The following NKAIN2 variants were observed in gnomAD, a reference collection of about 807,000 sequenced individuals.
NKAIN2 encodes the protein sodium/potassium transporting ATPase interacting 2.
A neutral mutation model predicts 32.6 loss-of-function variants in NKAIN2; 14 were observed. The observed-to-expected ratio is 0.43, with a 90% CI of 0.28 to 0.67. The LOEUF (loss-of-function observed/expected upper bound fraction) is 0.67, where lower values mean the gene tolerates loss of function less well. Ranked by LOEUF, NKAIN2 falls within the 30% of genes least tolerant of loss-of-function variation. NKAIN2 has a pLI of 0.17. For missense variants in NKAIN2, 198 were observed against 258.3 expected (o/e 0.77, Z 1.60); for synonymous variants, 80 against 87.2 (o/e 0.92, Z 0.46).
At chr6:124,583,268 G>A (rs1583473710) in intron 3 of NKAIN2, among the ~76,000 whole-genome samples, 1 of 147,522 alleles carries the variant, frequency 6.8e-6, no homozygotes, top group Non-Finnish European at 1.5e-5. Context: ...AACACATTCA[G>A]TAATGTGGCA....
At chr6:124,099,805 A>G (rs976190399) in intron 1 of NKAIN2, among the ~76,000 whole-genome samples, 9 of 152,200 alleles carry the variant, frequency 5.9e-5, no homozygotes, top group African/African-American at 2.2e-4. Context: ...GACCACAGCA[A>G]CAAAGAATTA....
chr6:124,486,618 T>TATCTGATG (rs1408178942), intron 3 of NKAIN2, among the ~76,000 whole-genome samples: 1 of 152,192 alleles, frequency 6.6e-6, no homozygotes, highest in African/African-American at 2.4e-5. Context: ...AGTCTAGAAA[T>TATCTGATG]ATCTGATGTT....
intron 3 of NKAIN2, among the ~76,000 whole-genome samples, chr6:124,494,605 G>A (rs1322688266): frequency 6.6e-6 from 1 of 152,054 alleles, no homozygotes; most frequent in Non-Finnish European, 1.5e-5. Context: ...ACAGATAAAT[G>A]ATAACAAAGT....
At chr6:124,695,363 A>T (rs1189485034) in intron 4 of NKAIN2, among the ~76,000 whole-genome samples, 1 of 152,180 alleles carries the variant, frequency 6.6e-6, no homozygotes, top group Non-Finnish European at 1.5e-5. Context: ...AAACTCATTT[A>T]AGGGTTTCTT....
chr6:124,631,114 T>C (rs1214857283), intron 3 of NKAIN2, among the ~76,000 whole-genome samples: 7 of 152,182 alleles, frequency 4.6e-5, no homozygotes, highest in African/African-American at 1.7e-4. Context: ...CAATCACTGA[T>C]CGGTGAAAAA....
intron 1 of NKAIN2, among the ~76,000 whole-genome samples, chr6:123,809,632 A>G (rs1773370258): frequency 6.6e-6 from 1 of 152,148 alleles, no homozygotes; most frequent in Admixed American, 6.5e-5. Flanking sequence ...TCTTTTGTTA[A>G]AAAATACTTC....
chr6:124,377,934 T>C (rs770746303), intron 3 of NKAIN2, among the ~76,000 whole-genome samples: 1 of 152,130 alleles, frequency 6.6e-6, no homozygotes, highest in Non-Finnish European at 1.5e-5. Flanking sequence ...TGGTCTCCAT[T>C]ACCCTCCAGA....
intron 1 of NKAIN2, among the ~76,000 whole-genome samples, chr6:124,128,161 A>C (rs191217903): frequency 2.6e-5 from 4 of 152,214 alleles, no homozygotes; most frequent in Non-Finnish European, 5.9e-5. Flanking sequence ...GGCAGTTGGG[A>C]GACCTGACAG....
At chr6:124,423,398 T>C (rs1259235992) in intron 3 of NKAIN2, among the ~76,000 whole-genome samples, 1 of 152,192 alleles carries the variant, frequency 6.6e-6, no homozygotes, top group Admixed American at 6.5e-5. Flanking sequence ...ATTTATGTTC[T>C]CCATATGTAA....
chr6:124,447,644 G>T (rs536620817), intron 3 of NKAIN2, among the ~76,000 whole-genome samples: 3 of 152,206 alleles, frequency 2.0e-5, no homozygotes, highest in South Asian at 4.1e-4. Flanking sequence ...ACAAGAACAG[G>T]TCATAGAATC....
intron 1 of NKAIN2, among the ~76,000 whole-genome samples, chr6:124,159,086 T>A (rs1393922568): frequency 5.3e-5 from 8 of 152,202 alleles, no homozygotes; most frequent in Admixed American, 5.2e-4. Flanking sequence ...GACTGTCTTT[T>A]ACTCAATTAG....
chr6:124,707,277 T>G (rs1174278096), intron 4 of NKAIN2, among the ~76,000 whole-genome samples: 1 of 152,174 alleles, frequency 6.6e-6, no homozygotes, highest in Middle Eastern at 3.2e-3. Context: ...TCTTTGCTAC[T>G]GTGAATACTG....
At chr6:124,369,070 A>T (rs1282610317) in intron 3 of NKAIN2, among the ~76,000 whole-genome samples, 1 of 152,212 alleles carries the variant, frequency 6.6e-6, no homozygotes, top group East Asian at 1.9e-4. Flanking sequence ...AAACATAAGT[A>T]TAAAAATTAA....
intron 3 of NKAIN2, among the ~76,000 whole-genome samples, chr6:124,476,723 T>C (rs1777231418): frequency 6.6e-6 from 1 of 152,170 alleles, no homozygotes; most frequent in African/African-American, 2.4e-5. Context: ...GTTTCCTATA[T>C]TCTGAGCATT....
At chr6:124,180,364 G>C (rs927383702) in intron 1 of NKAIN2, among the ~76,000 whole-genome samples, 1 of 152,014 alleles carries the variant, frequency 6.6e-6, no homozygotes, top group African/African-American at 2.4e-5. Context: ...GTGTGTAGGG[G>C]AACTCCCCTT....
chr6:124,727,748 A>G (rs1284704614), intron 4 of NKAIN2, among the ~76,000 whole-genome samples: 1 of 139,190 alleles, frequency 7.2e-6, no homozygotes, highest in Non-Finnish European at 1.5e-5. Context: ...CTCCAATTAA[A>G]AGACACAGAC....
intron 1 of NKAIN2, among the ~76,000 whole-genome samples, chr6:124,024,696 G>A (rs901873384): frequency 2.6e-5 from 4 of 152,170 alleles, no homozygotes; most frequent in South Asian, 2.1e-4. Context: ...CACTTCAAGA[G>A]TGCTTTTCCT....
intron 2 of NKAIN2, among the ~76,000 whole-genome samples, chr6:124,305,184 T>C (rs1796459766): frequency 6.6e-6 from 1 of 152,196 alleles, no homozygotes; most frequent in Admixed American, 6.5e-5. Context: ...TAGAGAGATA[T>C]TCCCATCAAT....
intron 1 of NKAIN2, among the ~76,000 whole-genome samples, chr6:124,219,587 T>C (rs1358774522): frequency 6.6e-6 from 1 of 152,086 alleles, no homozygotes; most frequent in East Asian, 1.9e-4. Context: ...CAACACTTAT[T>C]GAATACGAGT....
Sources: allele counts gnomAD v4.1 joint callset (sites outside exome capture counted in the v4.1 genomes callset), GRCh38; gene constraint gnomAD v4.1.1; transcripts MANE v1.5; gene names NCBI Gene and HGNC (gene_info 2026-07-23, HGNC 2026-07-21).